The following FGF14 variants were observed in gnomAD, a reference collection of about 807,000 sequenced individuals.
FGF14 encodes fibroblast growth factor homologous factor 4.
A neutral mutation model predicts 25.5 loss-of-function variants in FGF14; 5 were observed. That is an observed-to-expected ratio of 0.20 (90% CI 0.10 to 0.41). The LOEUF is 0.41. Among genes scored for constraint, FGF14 ranks in the 10% least tolerant of loss-of-function variants. The pLI is 1.00. For synonymous variants in FGF14, 138 were observed against 118.3 expected (o/e 1.17, Z -1.08); for missense variants, 222 against 320.1 (o/e 0.69, Z 2.34).
At chr13:101,809,558 G>A (rs1452791626) in intron 3 of FGF14, among the ~76,000 whole-genome samples, 1 of 152,124 alleles carries the variant, frequency 6.6e-6, no homozygotes, top group Non-Finnish European at 1.5e-5. Context: ...GACACAAGCT[G>A]GCAGACTTAA....
intron 1 of FGF14, among the ~76,000 whole-genome samples, chr13:102,067,249 GGTAAA>G (rs1273283957): frequency 6.6e-6 from 1 of 152,074 alleles, no homozygotes; most frequent in African/African-American, 2.4e-5. Flanking sequence ...TTAGTTGCAT[GGTAAA>G]GTAATTAAGT....
At chr13:102,301,120 A>G (rs1476920973) in intron 1 of FGF14, among the ~76,000 whole-genome samples, 1 of 152,236 alleles carries the variant, frequency 6.6e-6, no homozygotes, top group African/African-American at 2.4e-5. Flanking sequence ...GATAAAATGT[A>G]AACAGTCAAA....
At chr13:102,235,421 T>C (rs2051284215) in intron 1 of FGF14, among the ~76,000 whole-genome samples, 1 of 152,210 alleles carries the variant, frequency 6.6e-6, no homozygotes, top group African/African-American at 2.4e-5. Flanking sequence ...AAGTTTGGTC[T>C]GTGAGCCATA....
rs187134327 is a variant in FGF14, at chr13:101,885,336, T to C, written c.194-10040A>G. ...AACAAGCAATCCCACTGTGTGGACA[T>C]GTTTTCAGGGTGGAGGGTGGGAGGG... is the stretch of plus-strand genomic sequence containing the variant. On this transcript the variant is annotated intron_variant, in intron 1 of 4. Transcript: ENST00000376143. 4.6e-3 allele frequency among the ~76,000 whole-genome samples: 697 copies of C among 152,234 alleles called. 1 individual carries two copies. The highest frequency in any genetic ancestry group is 0.017 in the Middle Eastern group (5 of 294).
intron 1 of FGF14, among the ~76,000 whole-genome samples, chr13:102,051,129 G>A (rs530443029): frequency 5.5e-4 from 84 of 152,278 alleles, no homozygotes; most frequent in African/African-American, 2.0e-3. Flanking sequence ...CATGTCTCAG[G>A]CACATGGAGT....
intron 1 of FGF14, among the ~76,000 whole-genome samples, chr13:102,230,012 T>A (rs2051005120): frequency 6.6e-6 from 1 of 152,156 alleles, no homozygotes; most frequent in Non-Finnish European, 1.5e-5. Context: ...CCTCCAAAAT[T>A]TACGTATTGC....
chr13:102,015,220 T>C (rs1439796521), intron 1 of FGF14, among the ~76,000 whole-genome samples: 3 of 152,206 alleles, frequency 2.0e-5, no homozygotes, highest in Non-Finnish European at 4.4e-5. Context: ...CTAAAATTTA[T>C]GAGAAACATC....
In FGF14 at chr13:101,715,501, A is replaced by G. The variant is rs924045414; in HGVS notation, c.*7330T>C. 1.2e-5 allele frequency: 13 copies of G among 1,081,890 alleles called. No homozygotes were observed. The highest frequency in any genetic ancestry group is 4.7e-5 in the East Asian group (2 of 42,304). The allele number at this position is 1,081,890 out of a possible 1,614,324, so 67.0% of individuals were successfully genotyped here. ...ATTGTGGACACTTGTGATTTATAAT[A>G]GCATGTTTAAATTTGGCACATTTTG... On this transcript the variant is annotated 3_prime_UTR_variant, in exon 5 of 5. Coordinates refer to ENST00000376143, the MANE Select transcript of FGF14 (RefSeq NM_004115.4).
chr13:101,899,050 C>T (rs2031157164), intron 1 of FGF14, among the ~76,000 whole-genome samples: 1 of 152,158 alleles, frequency 6.6e-6, no homozygotes, highest in South Asian at 2.1e-4. Flanking sequence ...CCTTGGTAAA[C>T]ATCCAGGTTT....
intron 3 of FGF14, among the ~76,000 whole-genome samples, chr13:101,768,788 T>C (rs955120569): frequency 6.6e-6 from 1 of 152,146 alleles, no homozygotes; most frequent in Non-Finnish European, 1.5e-5. Context: ...AATCCAAACA[T>C]AGATCATACG....
intron 1 of FGF14, among the ~76,000 whole-genome samples, chr13:102,230,817 T>C (rs2051051728): frequency 6.6e-6 from 1 of 152,198 alleles, no homozygotes; most frequent in South Asian, 2.1e-4. Flanking sequence ...AAAAATGCAA[T>C]AATATTACTG....
At chr13:101,965,025 T>G (rs1300447367) in intron 1 of FGF14, among the ~76,000 whole-genome samples, 1 of 152,100 alleles carries the variant, frequency 6.6e-6, no homozygotes, top group Non-Finnish European at 1.5e-5. Flanking sequence ...GCAAACCACT[T>G]GAGGTCAGGA....
chr13:101,825,836 A>C (rs1470810705), intron 3 of FGF14, among the ~76,000 whole-genome samples: 4 of 152,278 alleles, frequency 2.6e-5, no homozygotes, highest in Non-Finnish European at 5.9e-5. Flanking sequence ...CATAAATAAC[A>C]TTAGAAGTAT....
upstream of FGF14, chr13:102,401,916 A>T: frequency 1.7e-6 from 1 of 578,750 alleles, no homozygotes; most frequent in South Asian, 2.0e-5. Context: ...ACAGTAATGC[A>T]CAAAAGATCC....
intron 1 of FGF14, among the ~76,000 whole-genome samples, chr13:101,909,072 C>T (rs1167086711): frequency 6.6e-6 from 1 of 152,160 alleles, no homozygotes; most frequent in Non-Finnish European, 1.5e-5. Context: ...CTTCCTTACA[C>T]CTTACACAAA....
At chr13:102,007,797 C>T (rs891635915) in intron 1 of FGF14, among the ~76,000 whole-genome samples, 2 of 152,120 alleles carry the variant, frequency 1.3e-5, no homozygotes, top group Admixed American at 6.5e-5. Context: ...ATGGTTCTCC[C>T]GGGGATGTCT....
Position 102,161,570 on chromosome 13 carries a change from AAAGAAAG to A in FGF14, c.208+239894_208+239900del. ...TCTATGCAACCAACTTTCTGTGAAG[AAAGAAAG>A]AAGAAGAAGAAGAAGAAGAAGAAGA... On this transcript the variant is annotated intron_variant, in intron 1 of 4. Transcript: ENST00000376131. Among the ~76,000 whole-genome samples, 56 of 5,650 alleles carry A rather than the reference AAAGAAAG, an allele frequency of 9.9e-3. 2 individuals carry two copies. Among genetic ancestry groups the A allele is most frequent in the Admixed American group, 0.016 (4 of 258 alleles). The allele number at this position is 5,650 out of a possible 152,430, so 3.7% of individuals were successfully genotyped here.
intron 1 of FGF14, among the ~76,000 whole-genome samples, chr13:101,896,523 A>G (rs986862572): frequency 6.6e-6 from 1 of 152,224 alleles, no homozygotes; most frequent in Non-Finnish European, 1.5e-5. Context: ...GGAGAAAAAC[A>G]TAATGAGAGG....
intron 1 of FGF14, among the ~76,000 whole-genome samples, chr13:102,176,710 T>C (rs1447015899): frequency 6.6e-6 from 1 of 152,082 alleles, no homozygotes; most frequent in Non-Finnish European, 1.5e-5. Context: ...TGCTAAGTGT[T>C]CCTACCATAA....
Sources: gnomAD v4.1 joint callset for allele counts (sites outside exome capture counted in the v4.1 genomes callset) on GRCh38, gnomAD v4.1.1 for gene constraint, MANE v1.5 for transcripts, NCBI Gene and HGNC (gene_info 2026-07-23, HGNC 2026-07-21) for gene names.